Variants in EYS observed in about 807,000 individuals in gnomAD.
EYS encodes the protein EGF-like photoreceptor maintenance factor.
A neutral mutation model predicts 282.1 loss-of-function variants in EYS; 250 were observed. The observed-to-expected ratio is 0.89, with a 90% CI of 0.80 to 0.98. EYS has a LOEUF of 0.98. Ranked by LOEUF, EYS falls within the 50% of genes least tolerant of loss-of-function variation. EYS has a pLI of 0.00. For missense variants in EYS, 4,016 were observed against 3,709.0 expected, an observed-to-expected ratio of 1.08 and a Z score of -2.15; for synonymous variants, 1,355 against 1,282.9, an observed-to-expected ratio of 1.06 and a Z score of -1.20.
At chr6:64,071,305 T>A (rs537597814) in intron 32 of EYS, among the ~76,000 whole-genome samples, 2 of 152,136 alleles carry the variant, frequency 1.3e-5, no homozygotes, top group South Asian at 4.1e-4. Flanking sequence ...TTCCCAATAC[T>A]GTAAGTTGCA....
chr6:65,386,158 A>G (rs1337730805), intron 7 of EYS, among the ~76,000 whole-genome samples: 1 of 150,852 alleles, frequency 6.6e-6, no homozygotes, highest in Admixed American at 6.7e-5. Flanking sequence ...AAGTGTTTCT[A>G]AACAGAGCAG....
chr6:65,388,536 A>G lies in EYS; in HGVS notation c.1185-4036T>C, dbSNP rs556511677. On this transcript the variant is annotated intron_variant, in intron 7 of 42. Coordinates refer to ENST00000503581, the MANE Select transcript of EYS (RefSeq NM_001142800.2). ...ACAAATTGCTACTGTGCTGTCTGGG[A>G]AATGTGCACTTCAGAAAAGGGAAAG... is the stretch of plus-strand genomic sequence containing the variant. Among the ~76,000 whole-genome samples the G allele has an allele frequency of 1.6e-4, 24 of 152,126 alleles. No homozygotes were observed. The South Asian group carries it at 3.1e-3, about 20-fold the overall frequency.
chr6:63,777,941 A>G, intron 40 of EYS, 65 bp downstream of exon 40: 1 of 1,373,116 alleles, frequency 7.3e-7, no homozygotes, highest in Non-Finnish European at 1.0e-6. Context: ...GTGGAATGAC[A>G]GAGTGGAGTA....
chr6:64,977,975 T>TGAAGCAGCAAGTGACAATA (rs1232236610), intron 14 of EYS, among the ~76,000 whole-genome samples: 2 of 151,804 alleles, frequency 1.3e-5, no homozygotes, highest in Admixed American at 1.3e-4. Flanking sequence ...AAGTACAAGG[T>TGAAGCAGCAAGTGACAATA]GAAGCAGCAA....
intron 1 of EYS, among the ~76,000 whole-genome samples, chr6:65,680,138 A>G (rs915660939): frequency 4.1e-4 from 62 of 151,382 alleles, no homozygotes; most frequent in Admixed American, 2.6e-4. Flanking sequence ...CTCAATCAAT[A>G]TAAGTTACAT....
intron 23 of EYS, among the ~76,000 whole-genome samples, chr6:64,625,042 T>TCAA (rs1346367155): frequency 6.6e-6 from 1 of 152,104 alleles, no homozygotes; most frequent in African/African-American, 2.4e-5. Flanking sequence ...GCTCAATAAC[T>TCAA]TTTTTTAAGT....
At chr6:65,371,708 C>CCTCTCTCT (rs140879689) in intron 8 of EYS, among the ~76,000 whole-genome samples, 38 of 119,170 alleles carry the variant, frequency 3.2e-4, no homozygotes, top group African/African-American at 1.3e-3. Context: ...TCTCTCTCTC[C>CCTCTCTCT]CTCTCTCTCT....
At chr6:64,207,510 T>C (rs1408957642) in intron 31 of EYS, among the ~76,000 whole-genome samples, 1 of 152,170 alleles carries the variant, frequency 6.6e-6, no homozygotes, top group African/African-American at 2.4e-5. Context: ...AAAGTTTACA[T>C]ACTAGCTAAT....
intron 13 of EYS, among the ~76,000 whole-genome samples, chr6:65,003,326 A>T (rs1314770938): frequency 6.8e-6 from 1 of 147,286 alleles, no homozygotes; most frequent in Non-Finnish European, 1.5e-5. Flanking sequence ...CAGCACTCCC[A>T]GGCTTATTAG....
chr6:64,409,217 T>C (rs951585735), intron 28 of EYS, among the ~76,000 whole-genome samples: 60 of 152,290 alleles, frequency 3.9e-4, no homozygotes, highest in African/African-American at 1.4e-3. Context: ...CTAGGTTGAT[T>C]CCATATCTTT....
chr6:63,895,587 C>T (rs1332441122), intron 35 of EYS, among the ~76,000 whole-genome samples: 5 of 152,200 alleles, frequency 3.3e-5, no homozygotes, highest in African/African-American at 4.8e-5. Flanking sequence ...TTTACCTATT[C>T]TGGTCATAAT....
At chr6:64,404,791 G>T (rs529155865) in intron 28 of EYS, among the ~76,000 whole-genome samples, 1 of 152,024 alleles carries the variant, frequency 6.6e-6, no homozygotes, top group Non-Finnish European at 1.5e-5. Context: ...GGCAGAATTA[G>T]GTAAGAGTGT....
chr6:64,547,832 C>G (rs1478590294), intron 26 of EYS, among the ~76,000 whole-genome samples: 1 of 152,194 alleles, frequency 6.6e-6, no homozygotes, highest in African/African-American at 2.4e-5. Context: ...TGGGGAGGCT[C>G]AGGCATGGCG....
At position 65,584,720 on chromosome 6, in the gene EYS, C is replaced by T. The variant is rs28564854; in HGVS notation, c.-333+55058G>A. On this transcript the variant is annotated intron_variant, in intron 2 of 42. Coordinates refer to ENST00000503581, the MANE Select transcript of EYS (RefSeq NM_001142800.2). ...TATCCAGTCTTACAATAACATCTTA[C>T]GTTGCTATATAATTATAATATGAAT... Among the ~76,000 whole-genome samples, 382 of 151,730 alleles carry T rather than the reference C, an allele frequency of 2.5e-3. 1 individual carries two copies. The highest frequency in any genetic ancestry group is 8.9e-3 in the African/African-American group (368 of 41,432).
At chr6:65,648,324 G>GTGTA (rs1173623237) in intron 1 of EYS, among the ~76,000 whole-genome samples, 4 of 150,390 alleles carry the variant, frequency 2.7e-5, no homozygotes. Flanking sequence ...ATGTGTGTGT[G>GTGTA]TGTGTGTGTG....
chr6:65,260,287 A>G (rs1767586811), intron 12 of EYS, among the ~76,000 whole-genome samples: 1 of 152,104 alleles, frequency 6.6e-6, no homozygotes, highest in African/African-American at 2.4e-5. Context: ...TGGGAATTAT[A>G]AGAATTATAA....
chr6:64,118,809 A>T (rs1190779664), intron 31 of EYS, among the ~76,000 whole-genome samples: 1 of 152,132 alleles, frequency 6.6e-6, no homozygotes, highest in East Asian at 1.9e-4. Flanking sequence ...ATTATCCAGA[A>T]TCTACAAGAA....
intron 14 of EYS, among the ~76,000 whole-genome samples, chr6:64,980,386 T>C (rs1320253987): frequency 6.6e-6 from 1 of 151,516 alleles, no homozygotes; most frequent in Non-Finnish European, 1.5e-5. Context: ...AGATTGATCA[T>C]ATTTTAAATT....
intron 36 of EYS, among the ~76,000 whole-genome samples, chr6:63,838,084 C>T (rs1161670662): frequency 1.3e-5 from 2 of 152,140 alleles, no homozygotes; most frequent in African/African-American, 4.8e-5. Context: ...AGTGGTTCAT[C>T]ATATCCTCTT....
Sources: allele counts gnomAD v4.1 joint callset (sites outside exome capture counted in the v4.1 genomes callset), GRCh38; gene constraint gnomAD v4.1.1; transcripts MANE v1.5; gene names NCBI Gene and HGNC (gene_info 2026-07-23, HGNC 2026-07-21).